Variants in RDX observed in about 807,000 individuals in gnomAD.
RDX encodes deafness, autosomal recessive 24.
In RDX, 32 loss-of-function variants were observed where a neutral mutation model predicts 83.7. That is an observed-to-expected ratio of 0.38 (90% CI 0.29 to 0.51). The LOEUF is 0.51. RDX is among the 20% of genes least tolerant of loss of function. The pLI is 0.87. For synonymous variants in RDX, 229 were observed against 222.7 expected, an observed-to-expected ratio of 1.03 and a Z score of -0.25; for missense variants, 600 against 689.9, an observed-to-expected ratio of 0.87 and a Z score of 1.46.
intron 15 of RDX, chr11:110,196,096 G>A (rs1474904234): frequency 6.6e-6 from 1 of 152,190 alleles, no homozygotes; most frequent in Non-Finnish European, 1.5e-5. Context: ...CAGACTTTGG[G>A]GGATATACAC....
rs946814604 is a variant in RDX at position 110,254,256 on chromosome 11, C to T, written c.796-147G>A. On this transcript the variant is annotated intron_variant, in intron 8 of 13. Coordinates refer to ENST00000645495, the MANE Select transcript of RDX (RefSeq NM_002906.4). The stretch of plus-strand genomic sequence containing the variant: ...AAGAAATCATACAATTTCATAACTC[C>T]CAGTGAGCATGACATACTTTCACAT... 5.6e-6 allele frequency: 4 copies of T among 718,638 alleles called. No homozygotes were observed. In the South Asian group the frequency reaches 7.3e-5, roughly 13 times the overall value. The allele number at this position is 718,638 out of a possible 1,614,324, so 44.5% of individuals were successfully genotyped here.
intron 5 of RDX, 31 bp from the exon 6 acceptor site, chr11:110,258,220 A>T: frequency 7.2e-7 from 1 of 1,390,236 alleles, no homozygotes; most frequent in South Asian, 1.2e-5. Flanking sequence ...AAAAAATTAT[A>T]ATGACTTTAA....
intron 12 of RDX, among the ~76,000 whole-genome samples, chr11:110,235,657 T>C (rs545504108): frequency 6.6e-6 from 1 of 152,348 alleles, no homozygotes; most frequent in African/African-American, 2.4e-5. Context: ...ATTATCAAAC[T>C]TGAGGGCCAC....
chr11:110,191,684 C>G (rs1304210015), intron 15 of RDX, among the ~76,000 whole-genome samples: 2 of 152,162 alleles, frequency 1.3e-5, no homozygotes, highest in Non-Finnish European at 2.9e-5. Flanking sequence ...GGCGAAACCC[C>G]ATCTCTACCA....
At chr11:110,183,924 G>A (rs1194388007) in intron 15 of RDX, among the ~76,000 whole-genome samples, 1 of 152,226 alleles carries the variant, frequency 6.6e-6, no homozygotes, top group Admixed American at 6.5e-5. Flanking sequence ...GGACTAGGCC[G>A]TGCTTTGTGT....
intron 9 of RDX, among the ~76,000 whole-genome samples, chr11:110,251,572 T>C (rs1234614919): frequency 6.6e-6 from 1 of 152,142 alleles, no homozygotes; most frequent in Admixed American, 6.6e-5. Flanking sequence ...CCTGTGTTCT[T>C]TGTATGACAC....
chr11:110,177,956 C>A (rs764455558), intron 15 of RDX, among the ~76,000 whole-genome samples: 7 of 152,102 alleles, frequency 4.6e-5, no homozygotes, highest in Non-Finnish European at 1.0e-4. Flanking sequence ...CAGCACACAC[C>A]CTGCCTCTCT....
intron 1 of RDX, among the ~76,000 whole-genome samples, chr11:110,293,690 C>G (rs1331956354): frequency 3.9e-5 from 6 of 152,182 alleles, no homozygotes; most frequent in Admixed American, 3.9e-4. Context: ...CAGTTAAGTA[C>G]CACCTGCCAG....
chr11:110,275,452 G>T (rs1178209155), intron 2 of RDX, among the ~76,000 whole-genome samples: 3 of 152,142 alleles, frequency 2.0e-5, no homozygotes, highest in African/African-American at 7.2e-5. Context: ...TAATACATGG[G>T]TGCTGTTTTA....
chr11:110,269,812 CG>C (rs984961931), intron 3 of RDX, among the ~76,000 whole-genome samples: 22 of 151,978 alleles, frequency 1.4e-4, no homozygotes, highest in African/African-American at 5.3e-4. Flanking sequence ...CCGAGGGAGG[CG>C]GATCACTTGA....
At chr11:110,271,679 T>C (rs1860317332) in intron 3 of RDX, among the ~76,000 whole-genome samples, 1 of 152,072 alleles carries the variant, frequency 6.6e-6, no homozygotes. Flanking sequence ...GCTCCACAGG[T>C]GACTAATACG....
downstream of RDX, among the ~76,000 whole-genome samples, chr11:110,225,784 CGCCTGTAATCCCA>C (rs1303378177): frequency 6.6e-6 from 1 of 151,892 alleles, no homozygotes; most frequent in Non-Finnish European, 1.5e-5. Flanking sequence ...CGATGGCTGA[CGCCTGTAATCCCA>C]GCACTTTGGG....
intron 14 of RDX, among the ~76,000 whole-genome samples, chr11:110,215,439 CAAGAGT>C (rs1207243554): frequency 6.6e-6 from 1 of 151,792 alleles, no homozygotes; most frequent in Non-Finnish European, 1.5e-5. Flanking sequence ...CCCTCCCCTA[CAAGAGT>C]AAATCATATA....
chr11:110,237,745 T>C, intron 10 of RDX, 93 bp from the exon 11 acceptor site: 1 of 1,392,628 alleles, frequency 7.2e-7, no homozygotes, highest in South Asian at 1.2e-5. Context: ...ATCAAATCTG[T>C]TCAATTTCTA....
In RDX at chr11:110,231,611, GAAAA is replaced by G. The variant is rs1346784664; in HGVS notation, c.*254_*257del. 23 of 490,980 alleles carry G rather than the reference GAAAA, an allele frequency of 4.7e-5. No individual in the cohort carries two copies. The highest frequency in any genetic ancestry group is 7.0e-5 in the Non-Finnish European group (19 of 271,516). 30.4% of individuals were successfully genotyped at this position (490,980 alleles called of 1,614,324 possible). A position where few individuals can be genotyped will look rare whatever the true frequency, so the allele number is the denominator to read the frequency against. On this transcript the variant is annotated 3_prime_UTR_variant, in exon 14 of 14. Coordinates refer to ENST00000645495, the MANE Select transcript of RDX (RefSeq NM_002906.4). ...GTTAATCTTCAACAGAAAAAAAAAA[GAAAA>G]AGAAAAAAAATGTGAAAAGAGGCAA...
chr11:110,209,416 G>C (rs1317251383), intron 14 of RDX, among the ~76,000 whole-genome samples: 1 of 151,746 alleles, frequency 6.6e-6, no homozygotes, highest in Non-Finnish European at 1.5e-5. Context: ...TGGGGGAGGG[G>C]CGCCCGCCAT....
At chr11:110,280,248 T>A (rs992478996) in intron 1 of RDX, among the ~76,000 whole-genome samples, 9 of 152,176 alleles carry the variant, frequency 5.9e-5, no homozygotes, top group African/African-American at 1.7e-4. Flanking sequence ...CTAATTTTTT[T>A]TTTTTATTTT....
At chr11:110,239,238 C>T (rs1479792096) in intron 10 of RDX, among the ~76,000 whole-genome samples, 1 of 150,906 alleles carries the variant, frequency 6.6e-6, no homozygotes, top group Non-Finnish European at 1.5e-5. Context: ...AGTAAAACAC[C>T]TAGGAATCAA....
chr11:110,284,198 C>T (rs952139010), intron 1 of RDX, among the ~76,000 whole-genome samples: 1 of 152,184 alleles, frequency 6.6e-6, no homozygotes, highest in Non-Finnish European at 1.5e-5. Context: ...GAATACATAA[C>T]AAAAGCTACA....
Sources: allele counts gnomAD v4.1 joint callset (sites outside exome capture counted in the v4.1 genomes callset), GRCh38; gene constraint gnomAD v4.1.1; transcripts MANE v1.5; gene names NCBI Gene and HGNC (gene_info 2026-07-23, HGNC 2026-07-21).